PAK5: variants seen among roughly 807,000 people sequenced by gnomAD.
PAK5 encodes p21 (RAC1) activated kinase 5.
Under a neutral mutation model 65.9 loss-of-function variants are expected in PAK5, and 16 were observed. The observed-to-expected ratio is 0.24, with a 90% CI of 0.16 to 0.37. The LOEUF (loss-of-function observed/expected upper bound fraction) is 0.37. Ranked by LOEUF, PAK5 falls within the 10% of genes least tolerant of loss-of-function variation. The probability of loss-of-function intolerance (pLI) is 1.00; values close to 1 mark genes in which losing one functional copy is unlikely to be tolerated. For missense variants in PAK5, 785 were observed against 903.9 expected (o/e 0.87, Z 1.69); for synonymous variants, 371 against 354.9 (o/e 1.05, Z -0.51).
intron 1 of PAK5, among the ~76,000 whole-genome samples, chr20:9,775,889 A>C (rs975273514): frequency 1.3e-5 from 2 of 152,228 alleles, no homozygotes; most frequent in Non-Finnish European, 2.9e-5. Flanking sequence ...TTATGCACTA[A>C]TGAAAAAATT....
At position 9,537,893 on chromosome 20, in the gene PAK5, T is replaced by C. The variant is rs139534257; in HGVS notation, c.*1569A>G. On this transcript the variant is annotated 3_prime_UTR_variant, in exon 10 of 10. Transcript: ENST00000353224. ...TGCCTTTTTTCCTTTTTAGCAGTGA[T>C]AAATAATTAGCAACCTATTAATTAC... 5.5e-3 allele frequency: 1,262 copies of C among 229,278 alleles called. 12 individuals are homozygous for C. Among genetic ancestry groups the C allele is most frequent in the African/African-American group, 0.026 (1,155 of 45,174 alleles). The allele number at this position is 229,278 out of a possible 1,614,324, so 14.2% of individuals were successfully genotyped here. A position where few individuals can be genotyped will look rare whatever the true frequency, so the allele number is the denominator to read the frequency against.
At chr20:9,749,210 C>T (rs2123611363) in intron 1 of PAK5, among the ~76,000 whole-genome samples, 1 of 152,222 alleles carries the variant, frequency 6.6e-6, no homozygotes, top group Middle Eastern at 3.4e-3. Context: ...CTAGTTCTCA[C>T]TTGGCAGTAA....
rs181277612 is a variant in PAK5, at chr20:9,778,169, A to G, written c.-162+60593T>C. Among the ~76,000 whole-genome samples the G allele has an allele frequency of 2.8e-3, 423 of 152,344 alleles. 2 individuals are homozygous for G. Among genetic ancestry groups the G allele is most frequent in the Middle Eastern group, 0.01 (3 of 294 alleles). On this transcript the variant is annotated intron_variant, in intron 1 of 9. Coordinates refer to ENST00000353224, the MANE Select transcript of PAK5 (RefSeq NM_177990.4). Reference sequence around the variant, plus strand: ...CACAATATCTCCCATGTTCGTGTGTATAACTTCTCCGTGATGAAGAGTAAG... The same window carrying G: ...CACAATATCTCCCATGTTCGTGTGTGTAACTTCTCCGTGATGAAGAGTAAG...
At chr20:9,815,843 T>G (rs2049350812) in intron 1 of PAK5, among the ~76,000 whole-genome samples, 1 of 152,164 alleles carries the variant, frequency 6.6e-6, no homozygotes, top group South Asian at 2.1e-4. Flanking sequence ...CCTGCCAGAC[T>G]GTCACATAAC....
At chr20:9,759,485 A>G (rs182618874) in intron 1 of PAK5, among the ~76,000 whole-genome samples, 10 of 152,286 alleles carry the variant, frequency 6.6e-5, no homozygotes, top group African/African-American at 2.4e-4. Flanking sequence ...CACAGAATTT[A>G]AGGGAGAGAT....
At chr20:9,820,913 G>A (rs888859646) in intron 1 of PAK5, among the ~76,000 whole-genome samples, 2 of 152,144 alleles carry the variant, frequency 1.3e-5, no homozygotes, top group African/African-American at 4.8e-5. Flanking sequence ...GCTCAATGTT[G>A]GTGATGCAAA....
intron 1 of PAK5, among the ~76,000 whole-genome samples, chr20:9,745,443 G>GA (rs982992794): frequency 2.0e-5 from 3 of 151,910 alleles, no homozygotes; most frequent in African/African-American, 7.3e-5. Flanking sequence ...CCACAAAAAG[G>GA]AAAAAATCCT....
intron 1 of PAK5, among the ~76,000 whole-genome samples, chr20:9,749,709 G>T (rs1288643991): frequency 1.3e-5 from 2 of 152,114 alleles, no homozygotes; most frequent in Non-Finnish European, 2.9e-5. Context: ...CAAACTGTTT[G>T]TTCTGATCCA....
chr20:9,640,220 C>T (rs547744878), intron 3 of PAK5, among the ~76,000 whole-genome samples: 70 of 123,518 alleles, frequency 5.7e-4, no homozygotes, highest in African/African-American at 2.0e-3. Context: ...CCCCACCCCA[C>T]CCCACAACAG....
chr20:9,661,887 T>A (rs529364363), intron 2 of PAK5, among the ~76,000 whole-genome samples: 1 of 152,240 alleles, frequency 6.6e-6, no homozygotes, highest in Admixed American at 6.5e-5. Context: ...CCACAAAAGG[T>A]AGCACAGTGA....
Position 9,644,242 on chromosome 20 carries a change from C to T in PAK5, c.87G>A (p.Glu29=), listed in dbSNP as rs370232852. Residue 29 remains glutamate (E), a synonymous_variant, in exon 3 of 10, where the codon GAG becomes GAA. Coordinates refer to ENST00000353224, the MANE Select transcript of PAK5 (RefSeq NM_177990.4). Reference sequence around the variant, plus strand: ...GCTGGGGAAGGCCGGTAAACTTCTGCTCTTGTGGATCAAACCCAGTATGAA... The same window carrying T: ...GCTGGGGAAGGCCGGTAAACTTCTGTTCTTGTGGATCAAACCCAGTATGAA... ...HRVHTGFDPQ[E]QKFTGLPQQW... 3 of 1,606,818 alleles carry T rather than the reference C, an allele frequency of 1.9e-6. No individual in the cohort carries two copies. The highest frequency in any genetic ancestry group is 2.7e-5 in the African/African-American group (2 of 74,526).
intron 3 of PAK5, among the ~76,000 whole-genome samples, chr20:9,618,289 T>C (rs1163340086): frequency 1.3e-5 from 2 of 152,050 alleles, no homozygotes; most frequent in Non-Finnish European, 2.9e-5. Context: ...ATAATCAAAT[T>C]GATAAAACAT....
intron 4 of PAK5, among the ~76,000 whole-genome samples, chr20:9,568,046 T>C (rs948454335): frequency 6.6e-6 from 1 of 152,186 alleles, no homozygotes; most frequent in Non-Finnish European, 1.5e-5. Flanking sequence ...GACGCTCAGC[T>C]ATAGTGGAGT....
intron 1 of PAK5, among the ~76,000 whole-genome samples, chr20:9,740,987 C>T (rs1801242323): frequency 6.6e-6 from 1 of 152,204 alleles, no homozygotes; most frequent in Non-Finnish European, 1.5e-5. Context: ...AAGTCTTGGG[C>T]TGACCCATCA....
intron 1 of PAK5, among the ~76,000 whole-genome samples, chr20:9,748,767 C>G (rs1240454013): frequency 6.6e-6 from 1 of 152,008 alleles, no homozygotes; most frequent in Non-Finnish European, 1.5e-5. Flanking sequence ...CATAAAAAAA[C>G]ATAATTATGC....
chr20:9,734,895 A>T (rs1015174210), intron 1 of PAK5, among the ~76,000 whole-genome samples: 3 of 152,188 alleles, frequency 2.0e-5, no homozygotes, highest in Non-Finnish European at 2.9e-5. Flanking sequence ...AACAAAAGGG[A>T]GAAACAGGTT....
chr20:9,606,403 C>T (rs1444303848), intron 3 of PAK5, among the ~76,000 whole-genome samples: 1 of 152,098 alleles, frequency 6.6e-6, no homozygotes, highest in African/African-American at 2.4e-5. Flanking sequence ...TATAAATTAC[C>T]CAGTCTTAGT....
At chr20:9,750,429 C>T (rs2048562429) in intron 1 of PAK5, among the ~76,000 whole-genome samples, 1 of 152,036 alleles carries the variant, frequency 6.6e-6, no homozygotes, top group Admixed American at 6.6e-5. Context: ...TTAAATCCTT[C>T]TAAATAAATC....
At chr20:9,549,389 G>T (rs949441957) in intron 7 of PAK5, among the ~76,000 whole-genome samples, 2 of 152,112 alleles carry the variant, frequency 1.3e-5, no homozygotes, top group African/African-American at 4.8e-5. Flanking sequence ...AACCTAGATA[G>T]AAAGTCAAGC....
Sources: allele counts gnomAD v4.1 joint callset (sites outside exome capture counted in the v4.1 genomes callset), GRCh38; gene constraint gnomAD v4.1.1; transcripts MANE v1.5; gene names NCBI Gene and HGNC (gene_info 2026-07-23, HGNC 2026-07-21).